The following NBPF20 variants were observed in gnomAD, a reference collection of about 807,000 sequenced individuals.
NBPF20 encodes the protein NBPF family member NBPF20.
A neutral mutation model predicts 68.1 loss-of-function variants in NBPF20; 90 were observed. The observed-to-expected ratio is 1.32, with a 90% confidence interval of 1.11 to 1.58. NBPF20 has a LOEUF of 1.58. Ranked by LOEUF, NBPF20 falls within the 40% of genes most tolerant of loss-of-function variation. NBPF20 has a pLI of 0.00. For missense variants in NBPF20, 816 were observed against 601.2 expected (o/e 1.36, Z -3.74); for synonymous variants, 290 against 228.1 (o/e 1.27, Z -2.45).
exon 10 of NBPF20, chr1:145,393,216 C>A (rs1553662495): frequency 1.6e-6 from 1 of 619,534 alleles, no homozygotes. Flanking sequence ...AGACTTCAGG[C>A]CCTTTCTCAT....
chr1:145,404,206 T>A (rs1273538937), intron 2 of NBPF20, among the ~76,000 whole-genome samples: 1 of 149,698 alleles, frequency 6.7e-6, no homozygotes, highest in Admixed American at 6.7e-5. Flanking sequence ...AAACAGGACT[T>A]CGCTCTCACC....
chr1:145,415,352 A>C, the NBPF20 span, among the ~76,000 whole-genome samples: 32 of 151,258 alleles, frequency 2.1e-4, no homozygotes, highest in Non-Finnish European at 7.4e-5. Context: ...CCGGAGACAG[A>C]TGCCTTCCTC....
At chr1:145,419,935 A>ACGGC in the NBPF20 span, among the ~76,000 whole-genome samples, 2 of 152,026 alleles carry the variant, frequency 1.3e-5, no homozygotes, top group South Asian at 4.2e-4. Flanking sequence ...GGAGATGGGA[A>ACGGC]CGGCCTTCAA....
intron 9 of NBPF20, among the ~76,000 whole-genome samples, chr1:145,393,458 A>AACACACACACAC (rs370259133): frequency 7.9e-4 from 115 of 145,266 alleles, no homozygotes; most frequent in African/African-American, 2.8e-3. Context: ...CACACACACA[A>AACACACACACAC]ACACACACAC....
chr1:145,403,125 C>A lies in NBPF20; in HGVS notation c.278+91G>T, dbSNP rs1372502464. ...TGGCAATTCCTGCCCTTCCCCTGGC[C>A]CAGCTTAGCTCTTACGTCTCCCCAC... On this transcript the variant is annotated intron_variant, in intron 3 of 137. Coordinates refer to ENST00000369373, the Ensembl canonical transcript of NBPF20. 12 of 1,463,940 alleles carry A rather than the reference C, an allele frequency of 8.2e-6. No homozygotes were observed. The African/African-American group carries it at 1.7e-4, about 20-fold the overall frequency. 90.7% of individuals were successfully genotyped at this position (1,463,940 alleles called of 1,614,324 possible). A position where few individuals can be genotyped will look rare whatever the true frequency, so the allele number is the denominator to read the frequency against.
At chr1:145,409,821 A>T (rs1352290317), upstream of NBPF20, among the ~76,000 whole-genome samples, 1 of 151,802 alleles carries the variant, frequency 6.6e-6, no homozygotes, top group Non-Finnish European at 1.5e-5. Flanking sequence ...CCACATACAC[A>T]TATAGCTTAG....
the NBPF20 span, among the ~76,000 whole-genome samples, chr1:145,421,245 C>T: frequency 1.3e-5 from 2 of 152,296 alleles, no homozygotes; most frequent in South Asian, 4.1e-4. Context: ...GTAGTTAATG[C>T]TTCTTTGGAA....
upstream of NBPF20, among the ~76,000 whole-genome samples, chr1:145,407,527 GTATA>G (rs1188743358): frequency 1.4e-5 from 2 of 145,096 alleles, no homozygotes; most frequent in Non-Finnish European, 3.0e-5. Context: ...ATACATACGT[GTATA>G]TATATAATAC....
chr1:145,407,572 C>A (rs1342127718), upstream of NBPF20, among the ~76,000 whole-genome samples: 1 of 145,592 alleles, frequency 6.9e-6, no homozygotes, highest in Non-Finnish European at 1.5e-5. Flanking sequence ...ATATATAACA[C>A]GTGTATATAT....
chr1:145,405,647 G>C (rs1231164359), upstream of NBPF20: 3 of 574,130 alleles, frequency 5.2e-6, no homozygotes, highest in Non-Finnish European at 9.1e-6. Flanking sequence ...AGGCTTTGCT[G>C]AAACACAGGC....
chr1:145,394,588 C>G (rs1363801915), intron 8 of NBPF20, among the ~76,000 whole-genome samples: 3 of 152,020 alleles, frequency 2.0e-5, no homozygotes, highest in Admixed American at 2.0e-4. Context: ...AAGAACCACA[C>G]AGACATGCTT....
At chr1:145,307,200 T>G (rs1299721828) in intron 118 of NBPF20, among the ~76,000 whole-genome samples, 2 of 30,492 alleles carry the variant, frequency 6.6e-5, no homozygotes, top group Non-Finnish European at 1.0e-4. Flanking sequence ...ATCATAGTTC[T>G]GTGAATTTTT....
exon 138 of NBPF20, chr1:145,291,519 G>C (rs1406791167): frequency 9.3e-6 from 15 of 1,611,850 alleles, no homozygotes; most frequent in Middle Eastern, 2.2e-4. Context: ...GGCTTAGTAA[G>C]GGCTGTTTAT....
At chr1:145,396,261 A>G (rs1432365211) in intron 7 of NBPF20, among the ~76,000 whole-genome samples, 3 of 152,008 alleles carry the variant, frequency 2.0e-5, no homozygotes, top group African/African-American at 7.3e-5. Context: ...TCAGTGATTC[A>G]AGATCAAATT....
exon 134 of NBPF20, chr1:145,294,794 G>C (rs1661253417): frequency 8.0e-6 from 2 of 249,302 alleles, no homozygotes; most frequent in Non-Finnish European, 1.3e-5. Context: ...TCCACGTCAA[G>C]AGCCAAGCCA....
At chr1:145,394,298 T>C (rs1662106082) in intron 8 of NBPF20, among the ~76,000 whole-genome samples, 9 of 151,620 alleles carry the variant, frequency 5.9e-5, no homozygotes, top group Non-Finnish European at 1.3e-4. Context: ...CAGAATTTGA[T>C]AGTTTATGAG....
At chr1:145,400,943 A>G in intron 5 of NBPF20, 116 bp downstream of exon 10, 9 of 1,257,988 alleles carry the variant, frequency 7.2e-6, no homozygotes, top group Middle Eastern at 2.7e-4. Flanking sequence ...TATTTCACAT[A>G]CTGTGGCCAA....
chr1:145,394,659 G>A (rs1262455713), intron 8 of NBPF20, among the ~76,000 whole-genome samples: 2 of 152,014 alleles, frequency 1.3e-5, no homozygotes, highest in Non-Finnish European at 2.9e-5. Flanking sequence ...CAGATGAGCT[G>A]AGCTGACAGA....
the NBPF20 span, among the ~76,000 whole-genome samples, chr1:145,411,554 C>G: frequency 2.4e-5 from 2 of 81,938 alleles, no homozygotes; most frequent in African/African-American, 1.0e-4. Flanking sequence ...CCATGCCTAG[C>G]TAATTTTTTG....
Sources: allele counts gnomAD v4.1 joint callset (sites outside exome capture counted in the v4.1 genomes callset), GRCh38; gene constraint gnomAD v4.1.1; transcripts MANE v1.5; gene names NCBI Gene and HGNC (gene_info 2026-07-23, HGNC 2026-07-21).